Variants in KCNH7 observed in about 807,000 individuals in gnomAD.
KCNH7 encodes the protein potassium voltage-gated channel subfamily H member 7.
Under a neutral mutation model 120.8 loss-of-function variants are expected in KCNH7, and 49 were observed. The observed-to-expected ratio is 0.41, with a 90% CI of 0.32 to 0.51. KCNH7 has a LOEUF of 0.51. Among genes scored for constraint, KCNH7 ranks in the 20% least tolerant of loss-of-function variants. The pLI, the probability that KCNH7 is intolerant of heterozygous loss-of-function variation, is 0.38. For missense variants in KCNH7, 1,097 were observed against 1,446.6 expected (o/e 0.76, Z 3.92); for synonymous variants, 547 against 516.1 (o/e 1.06, Z -0.81).
At chr2:162,459,785 G>A (rs1033844451) in intron 6 of KCNH7, among the ~76,000 whole-genome samples, 1 of 152,030 alleles carries the variant, frequency 6.6e-6, no homozygotes, top group Non-Finnish European at 1.5e-5. Flanking sequence ...AGGAAGGGTG[G>A]GGTGAATAGC....
At chr2:162,559,725 C>T (rs185213535) in intron 2 of KCNH7, among the ~76,000 whole-genome samples, 3 of 152,142 alleles carry the variant, frequency 2.0e-5, no homozygotes, top group African/African-American at 7.2e-5. Context: ...TGATATCTCA[C>T]ATTGATGGGG....
rs143541622 is a variant in KCNH7 at position 162,522,283 on chromosome 2, T to C, written c.464-4125A>G. On this transcript the variant is annotated intron_variant, in intron 3 of 15. Coordinates refer to ENST00000332142, the MANE Select transcript of KCNH7 (RefSeq NM_033272.4). Reference sequence around the variant, plus strand: ...CATTGAAAGTCAATGACTACTTTTATTAATTTTTCATCATTTACTTTACAC... The same window carrying C: ...CATTGAAAGTCAATGACTACTTTTACTAATTTTTCATCATTTACTTTACAC... 5.2e-3 allele frequency among the ~76,000 whole-genome samples: 792 copies of C among 152,018 alleles called. 12 individuals are homozygous for C. The highest frequency in any genetic ancestry group is 0.018 in the African/African-American group (749 of 41,548).
intron 2 of KCNH7, among the ~76,000 whole-genome samples, chr2:162,705,525 G>A (rs1287219172): frequency 6.6e-6 from 1 of 151,992 alleles, no homozygotes; most frequent in African/African-American, 2.4e-5. Context: ...TGTTAGTTAT[G>A]TCTACATATA....
intron 7 of KCNH7, among the ~76,000 whole-genome samples, chr2:162,445,237 G>A (rs558158605): frequency 9.9e-5 from 15 of 152,206 alleles, no homozygotes; most frequent in African/African-American, 3.1e-4. Context: ...GCAGGGCAGG[G>A]TTCTTATGTA....
In KCNH7 at chr2:162,681,904, G is replaced by A. The variant is rs115196194; in HGVS notation, c.308-144824C>T. On this transcript the variant is annotated intron_variant, in intron 2 of 15. Coordinates refer to ENST00000332142, the MANE Select transcript of KCNH7 (RefSeq NM_033272.4). Reference sequence around the variant, plus strand: ...CAGTGCCTTATAAAACAAAAGTCATGAGAGATAAAGAAATTTCTGAAAATC... The same window carrying A: ...CAGTGCCTTATAAAACAAAAGTCATAAGAGATAAAGAAATTTCTGAAAATC... Among the ~76,000 whole-genome samples the A allele has an allele frequency of 5.5e-3, 833 of 151,314 alleles. 5 individuals carry two copies. The highest frequency in any genetic ancestry group is 8.9e-3 in the Non-Finnish European group (604 of 67,618).
At chr2:162,808,735 A>T (rs1283819464) in intron 2 of KCNH7, among the ~76,000 whole-genome samples, 12 of 151,572 alleles carry the variant, frequency 7.9e-5, no homozygotes, top group Non-Finnish European at 1.5e-4. Context: ...TATATATATT[A>T]AAGATATATA....
intron 2 of KCNH7, among the ~76,000 whole-genome samples, chr2:162,678,652 G>C (rs1685607655): frequency 6.6e-6 from 1 of 151,412 alleles, no homozygotes; most frequent in South Asian, 2.1e-4. Context: ...TTTTGCTTTA[G>C]AGTCCATGAG....
At chr2:162,815,719 C>G (rs1332616533) in intron 2 of KCNH7, among the ~76,000 whole-genome samples, 1 of 152,152 alleles carries the variant, frequency 6.6e-6, no homozygotes, top group Non-Finnish European at 1.5e-5. Flanking sequence ...ATCAACTTTT[C>G]TTTTAAAACG....
intron 2 of KCNH7, among the ~76,000 whole-genome samples, chr2:162,764,886 G>C (rs1317220377): frequency 6.6e-6 from 1 of 152,100 alleles, no homozygotes; most frequent in Non-Finnish European, 1.5e-5. Flanking sequence ...AGAGAGCTCA[G>C]CCAACATATT....
intron 13 of KCNH7, among the ~76,000 whole-genome samples, chr2:162,381,625 CCTT>C (rs1283953697): frequency 1.3e-5 from 2 of 152,018 alleles, no homozygotes; most frequent in African/African-American, 4.8e-5. Flanking sequence ...GATCAGAGTT[CCTT>C]CTTCTGCAGA....
rs71009366 is a variant in KCNH7, at chr2:162,694,477, A to AGTGTGT, written c.307+142054_307+142059dup. ...TGGTGCGTGTGGGTATGTGTGAAAG[A>AGTGTGT]GTGTGTGTGTGTGTGTGTGTGTGTG... On this transcript the variant is annotated intron_variant, in intron 2 of 15. Coordinates refer to ENST00000332142, the MANE Select transcript of KCNH7 (RefSeq NM_033272.4). Among the ~76,000 whole-genome samples the AGTGTGT allele has an allele frequency of 4.7e-3, 693 of 146,392 alleles. 1 individual carries two copies. Among genetic ancestry groups the AGTGTGT allele is most frequent in the African/African-American group, 0.015 (621 of 40,266 alleles).
chr2:162,479,647 C>T (rs1345239241), intron 6 of KCNH7, among the ~76,000 whole-genome samples: 1 of 149,918 alleles, frequency 6.7e-6, no homozygotes, highest in Admixed American at 6.7e-5. Context: ...ACTTGAGATA[C>T]ATTAGGAAAT....
At chr2:162,502,544 C>T (rs1413512829) in intron 6 of KCNH7, among the ~76,000 whole-genome samples, 1 of 152,054 alleles carries the variant, frequency 6.6e-6, no homozygotes, top group Admixed American at 6.6e-5. Flanking sequence ...CCGTTTGACT[C>T]TGATTTATGC....
At chr2:162,488,634 A>G (rs1424959718) in intron 6 of KCNH7, among the ~76,000 whole-genome samples, 1 of 152,180 alleles carries the variant, frequency 6.6e-6, no homozygotes, top group Non-Finnish European at 1.5e-5. Context: ...AACTCATTTT[A>G]CAATCCTACA....
chr2:162,617,224 A>G (rs1683169611), intron 2 of KCNH7, among the ~76,000 whole-genome samples: 1 of 152,174 alleles, frequency 6.6e-6, no homozygotes, highest in Non-Finnish European at 1.5e-5. Flanking sequence ...TCACGCCTGT[A>G]ATCCCAGCAC....
intron 2 of KCNH7, among the ~76,000 whole-genome samples, chr2:162,674,473 T>A (rs887791902): frequency 4.0e-5 from 6 of 151,748 alleles, no homozygotes; most frequent in African/African-American, 1.2e-4. Context: ...TAACAAGTGT[T>A]CTTTGTGAAA....
In KCNH7 at chr2:162,836,637, G is replaced by C; in HGVS notation, c.207C>G (p.Leu69=). The change falls in exon 2 of 16, where the codon CTC becomes CTG. Residue 69 remains leucine (L), a synonymous_variant. Transcript: ENST00000332142. ...CATGCCTCTTGGTCTCGGGTCCATG[G>C]AGAAAGTCGCAGGTGCATGGCTTTT... ...VMQKPCTCDF[L]HGPETKRHDI... 1.2e-6 allele frequency: 2 copies of C among 1,614,146 alleles called. No individual in the cohort carries two copies. The highest frequency in any genetic ancestry group is 1.7e-6 in the Non-Finnish European group (2 of 1,180,038).
chr2:162,647,910 G>A (rs996195649), intron 2 of KCNH7, among the ~76,000 whole-genome samples: 1 of 151,940 alleles, frequency 6.6e-6, no homozygotes, highest in Non-Finnish European at 1.5e-5. Context: ...GCCTGTGGTG[G>A]GTACTAAATA....
At chr2:162,707,440 T>C (rs1686754820) in intron 2 of KCNH7, among the ~76,000 whole-genome samples, 1 of 152,090 alleles carries the variant, frequency 6.6e-6, no homozygotes, top group South Asian at 2.1e-4. Context: ...CTCAGCTGTA[T>C]CTGAAAAAAA....
Sources: gnomAD v4.1 joint callset for allele counts (sites outside exome capture counted in the v4.1 genomes callset) on GRCh38, gnomAD v4.1.1 for gene constraint, MANE v1.5 for transcripts, NCBI Gene and HGNC (gene_info 2026-07-23, HGNC 2026-07-21) for gene names.